WLS: variants seen among roughly 807,000 people sequenced by gnomAD.
WLS encodes protein wntless homolog.
Under a neutral mutation model 62.8 loss-of-function variants are expected in WLS, and 23 were observed. The ratio of observed to expected loss-of-function variants is 0.37; its 90% CI spans 0.26 to 0.52. WLS has a LOEUF of 0.52. WLS is among the 20% of genes least tolerant of loss of function. The pLI is 0.92. For missense variants in WLS, 615 were observed against 697.3 expected (o/e 0.88, Z 1.33); for synonymous variants, 246 against 244.1 (o/e 1.01, Z -0.07).
chr1:68,131,315 C>T (rs1235739982), intron 11 of WLS, among the ~76,000 whole-genome samples: 2 of 151,968 alleles, frequency 1.3e-5, no homozygotes, highest in Non-Finnish European at 2.9e-5. Flanking sequence ...AAGGGCAGTT[C>T]CTCTGTACTC....
At chr1:68,187,847 G>T (rs1383780285) in intron 2 of WLS, among the ~76,000 whole-genome samples, 3 of 151,616 alleles carry the variant, frequency 2.0e-5, no homozygotes, top group African/African-American at 7.3e-5. Context: ...CTTTTAAAAA[G>T]TTCAGTTATA....
At chr1:68,161,882 C>G in intron 2 of WLS, 1 of 1,608,794 alleles carries the variant, frequency 6.2e-7, no homozygotes, top group Non-Finnish European at 8.5e-7. Flanking sequence ...ATGATCCCTT[C>G]CACGGCTGCA....
At position 68,150,199 on chromosome 1, in the gene WLS, C is replaced by T; in HGVS notation, c.961G>A (p.Glu321Lys). Residue 321 changes from glutamate (E) to lysine (K), a missense_variant, in exon 6 of 12, where the codon GAG becomes AAG. Physicochemically the swap from Glu to Lys is moderately conservative, Grantham distance 56. Transcript: ENST00000262348. ...CCGGCGGCTCTTACCATCATGTGCT[C>T]GCCACAGAAGATGATCCAGAAGGAC... ...LLSFWIIFCG[E>K]HMMDQHERNH... 9 of 1,614,036 alleles carry T rather than the reference C, an allele frequency of 5.6e-6. No individual in the cohort carries two copies. Among genetic ancestry groups the T allele is most frequent in the South Asian group, 1.1e-5 (1 of 91,034 alleles).
chr1:68,170,896 G>T (rs1365854577), intron 2 of WLS, among the ~76,000 whole-genome samples: 1 of 152,082 alleles, frequency 6.6e-6, no homozygotes, highest in Non-Finnish European at 1.5e-5. Flanking sequence ...TCATGTCTTT[G>T]CACAATAGAT....
chr1:68,206,603 A>G (rs1161479637), intron 1 of WLS, among the ~76,000 whole-genome samples: 1 of 152,228 alleles, frequency 6.6e-6, no homozygotes, highest in African/African-American at 2.4e-5. Flanking sequence ...CTGGGCCACA[A>G]GTTGATCTGC....
intron 1 of WLS, among the ~76,000 whole-genome samples, chr1:68,211,493 A>G (rs1321604640): frequency 9.2e-5 from 14 of 152,158 alleles, no homozygotes; most frequent in Admixed American, 9.2e-4. Flanking sequence ...CAATCTCATT[A>G]TTTTATACAA....
chr1:68,158,394 G>C (rs1452386796), intron 3 of WLS, among the ~76,000 whole-genome samples: 1 of 152,100 alleles, frequency 6.6e-6, no homozygotes, highest in African/African-American at 2.4e-5. Flanking sequence ...TTTTCTCCTA[G>C]TGGCCCATCT....
intron 1 of WLS, among the ~76,000 whole-genome samples, chr1:68,219,351 C>T (rs1649855284): frequency 6.6e-6 from 1 of 152,192 alleles, no homozygotes; most frequent in South Asian, 2.1e-4. Flanking sequence ...ACTATGTCTT[C>T]CTTGGACCTT....
intron 2 of WLS, among the ~76,000 whole-genome samples, chr1:68,191,636 C>CT (rs1648311218): frequency 6.6e-6 from 1 of 152,094 alleles, no homozygotes; most frequent in Non-Finnish European, 1.5e-5. Context: ...ATGGCTGGGA[C>CT]TTAATAAAGT....
At position 68,155,297 on chromosome 1, in the gene WLS, A is replaced by C. The variant is rs944749363; in HGVS notation, c.505-37T>G. ...GCAGAGGGTTTGAGGCAGGGTCACT[A>C]TTTCCAATAGACTGGCTCTGAATTC... On this transcript the variant is annotated intron_variant, in intron 3 of 11. Coordinates refer to ENST00000262348, the MANE Select transcript of WLS (RefSeq NM_024911.7). 4 of 1,585,898 alleles carry C rather than the reference A, an allele frequency of 2.5e-6. No individual in the cohort carries two copies. In the African/African-American group the frequency reaches 5.4e-5, roughly 21 times the overall value.
At chr1:68,130,852 AAAT>A (rs944150804) in intron 11 of WLS, among the ~76,000 whole-genome samples, 8 of 151,910 alleles carry the variant, frequency 5.3e-5, no homozygotes, top group East Asian at 1.9e-4. Flanking sequence ...CCAAAAGAAA[AAAT>A]AATAATAAAA....
chr1:68,127,185 C>G (rs1035755564), intron 11 of WLS: 1 of 266,750 alleles, frequency 3.7e-6, no homozygotes, highest in Non-Finnish European at 7.6e-6. Context: ...CAGAGTAAGA[C>G]TTTGACTCTA....
chr1:68,181,829 C>T (rs1159297463), intron 2 of WLS, among the ~76,000 whole-genome samples: 1 of 152,218 alleles, frequency 6.6e-6, no homozygotes, highest in Non-Finnish European at 1.5e-5. Flanking sequence ...ACCACAAACA[C>T]TCTTACTTCA....
chr1:68,121,151 A>T (rs564867191), downstream of WLS: 4 of 152,322 alleles, frequency 2.6e-5, no homozygotes, highest in East Asian at 7.7e-4. Context: ...ACAGGAAGGG[A>T]CATTTTCACA....
intron 10 of WLS, among the ~76,000 whole-genome samples, chr1:68,139,257 C>T (rs1388847490): frequency 6.6e-6 from 1 of 152,072 alleles, no homozygotes; most frequent in African/African-American, 2.4e-5. Flanking sequence ...ATTTCATAAC[C>T]ATTACTAATT....
intron 1 of WLS, among the ~76,000 whole-genome samples, chr1:68,228,842 CAAAAAAAA>C (rs66626696): frequency 1.0e-3 from 60 of 58,034 alleles, no homozygotes; most frequent in African/African-American, 3.7e-3. Context: ...ACACTGGTGC[CAAAAAAAA>C]AAAAAAAAAA....
intron 2 of WLS, among the ~76,000 whole-genome samples, chr1:68,189,003 G>A (rs546784909): frequency 1.3e-5 from 2 of 152,322 alleles, no homozygotes; most frequent in African/African-American, 4.8e-5. Context: ...GTCAATCACA[G>A]TGTAAAAATA....
intron 4 of WLS, 146 bp downstream of exon 4, chr1:68,154,953 A>G (rs1433087314): frequency 4.5e-6 from 4 of 898,644 alleles, no homozygotes; most frequent in Non-Finnish European, 1.7e-6. Context: ...AATCTCTCAC[A>G]CAAATTAGTT....
In WLS at chr1:68,148,122, T is replaced by C. The variant is rs1403408566; in HGVS notation, c.1134+14A>G. 3.7e-6 allele frequency: 6 copies of C among 1,613,940 alleles called. No individual in the cohort carries two copies. The highest frequency in any genetic ancestry group is 5.1e-6 in the Non-Finnish European group (6 of 1,179,980). On this transcript the variant is annotated intron_variant, in intron 8 of 11. Coordinates refer to ENST00000262348, the MANE Select transcript of WLS (RefSeq NM_024911.7). ...GGGAAGAAATAAAACCCTGAGCCCATCAAGGAAGGATACGGCCAGCTCTGT... is the reference window on the plus strand; with the variant it reads ...GGGAAGAAATAAAACCCTGAGCCCACCAAGGAAGGATACGGCCAGCTCTGT...
Sources: gnomAD v4.1 joint callset for allele counts (sites outside exome capture counted in the v4.1 genomes callset) on GRCh38, gnomAD v4.1.1 for gene constraint, MANE v1.5 for transcripts, NCBI Gene and HGNC (gene_info 2026-07-23, HGNC 2026-07-21) for gene names.